Variants in EYS observed in about 807,000 individuals in gnomAD.
EYS encodes the protein protein eyes shut homolog.
Under a neutral mutation model 282.1 loss-of-function variants are expected in EYS, and 250 were observed. The observed-to-expected ratio is 0.89, with a 90% confidence interval of 0.80 to 0.98. The LOEUF (loss-of-function observed/expected upper bound fraction) is 0.98, where lower values mean the gene tolerates loss of function less well. Among genes scored for constraint, EYS ranks in the 50% least tolerant of loss-of-function variants. The pLI, the probability that EYS is intolerant of heterozygous loss-of-function variation, is 0.00. For missense variants in EYS, 4,016 were observed against 3,709.0 expected (o/e 1.08, Z -2.15); for synonymous variants, 1,355 against 1,282.9 (o/e 1.06, Z -1.20).
At chr6:64,630,081 A>ATT (rs565733399) in intron 22 of EYS, among the ~76,000 whole-genome samples, 1 of 151,492 alleles carries the variant, frequency 6.6e-6, no homozygotes, top group Non-Finnish European at 1.5e-5. Flanking sequence ...TTATTCTGAG[A>ATT]TTTTTTTTGT....
intron 36 of EYS, among the ~76,000 whole-genome samples, chr6:63,823,332 A>G (rs886946382): frequency 2.0e-5 from 3 of 152,192 alleles, no homozygotes; most frequent in Non-Finnish European, 4.4e-5. Flanking sequence ...TGTTCTTAAT[A>G]CATACGATGA....
At chr6:64,267,395 C>T (rs1243493929) in intron 30 of EYS, among the ~76,000 whole-genome samples, 1 of 152,084 alleles carries the variant, frequency 6.6e-6, no homozygotes, top group Non-Finnish European at 1.5e-5. Flanking sequence ...CCCACCCATA[C>T]TTCACCTCTC....
chr6:65,546,573 C>T (rs1470303526), intron 2 of EYS, among the ~76,000 whole-genome samples: 1 of 151,052 alleles, frequency 6.6e-6, no homozygotes, highest in East Asian at 2.0e-4. Context: ...ACAACTTGAT[C>T]TTTTTTTTGT....
chr6:65,306,859 A>AAAAAAAAAAAAAAG (rs1346343044), intron 11 of EYS, among the ~76,000 whole-genome samples: 5 of 142,398 alleles, frequency 3.5e-5, no homozygotes, highest in South Asian at 2.2e-4. Context: ...AAAAAAAAAA[A>AAAAAAAAAAAAAAG]AAAGAAAGTC....
intron 12 of EYS, among the ~76,000 whole-genome samples, chr6:65,097,113 T>C (rs1774760686): frequency 6.6e-6 from 1 of 150,994 alleles, no homozygotes; most frequent in Admixed American, 6.6e-5. Context: ...AGGGTTAATA[T>C]ACAAAATATA....
In EYS at chr6:65,481,992, C is replaced by T. The variant is rs146254830; in HGVS notation, c.862+8602G>A. 8.5e-5 allele frequency among the ~76,000 whole-genome samples: 13 copies of T among 152,250 alleles called. No individual in the cohort carries two copies. In the East Asian group the frequency reaches 1.5e-3, roughly 18 times the overall value. On this transcript the variant is annotated intron_variant, in intron 5 of 42. Coordinates refer to ENST00000503581, the MANE Select transcript of EYS (RefSeq NM_001142800.2). ...GGAAGATTCAGAGGAAGACTCAGTT[C>T]TTTATCTGGATGGAATACGGTAGCA...
At chr6:65,593,158 T>C (rs16896888) in intron 2 of EYS, among the ~76,000 whole-genome samples, 3,769 of 152,112 alleles carry the variant, frequency 0.025, 156 homozygotes, top group African/African-American at 0.086. Context: ...TATTAAGAAA[T>C]TCTTATGTAA....
intron 8 of EYS, among the ~76,000 whole-genome samples, chr6:65,360,799 T>C (rs1228467314): frequency 6.6e-6 from 1 of 152,146 alleles, no homozygotes; most frequent in Non-Finnish European, 1.5e-5. Context: ...TCCCATTTAG[T>C]GTAGTCACTG....
Position 65,556,387 on chromosome 6 carries a change from T to TTGTGTGTG in EYS, c.-332-60402_-332-60395dup, listed in dbSNP as rs10602177. ...TAATATGTGGAGGAGACTGCTGGGT[T>TTGTGTGTG]TGTGTGTGTGTGTGTGTGTGTGTAT... is the stretch of plus-strand genomic sequence containing the variant. On this transcript the variant is annotated intron_variant, in intron 2 of 42. Coordinates refer to ENST00000503581, the MANE Select transcript of EYS (RefSeq NM_001142800.2). Among the ~76,000 whole-genome samples, 675 of 148,916 alleles carry TTGTGTGTG rather than the reference T, an allele frequency of 4.5e-3. 6 individuals carry two copies. Among genetic ancestry groups the TTGTGTGTG allele is most frequent in the Middle Eastern group, 0.021 (6 of 286 alleles).
chr6:64,397,365 GATGTTAT>G (rs1773414169), intron 28 of EYS, among the ~76,000 whole-genome samples: 1 of 152,018 alleles, frequency 6.6e-6, no homozygotes, highest in African/African-American at 2.4e-5. Context: ...GTGTTACACT[GATGTTAT>G]ATCTACCTTT....
chr6:63,832,348 G>T (rs1198312416), intron 36 of EYS, among the ~76,000 whole-genome samples: 1 of 151,700 alleles, frequency 6.6e-6, no homozygotes, highest in African/African-American at 2.4e-5. Context: ...AAAGAGAGAA[G>T]AATCAAATAG....
chr6:65,302,032 C>T (rs1193032881), intron 11 of EYS, among the ~76,000 whole-genome samples: 1 of 152,224 alleles, frequency 6.6e-6, no homozygotes, highest in Admixed American at 6.5e-5. Context: ...TTATATTGTT[C>T]AGCTATGGAA....
At chr6:63,733,164 AATAG>A (rs1768822178) in intron 41 of EYS, among the ~76,000 whole-genome samples, 1 of 152,108 alleles carries the variant, frequency 6.6e-6, no homozygotes, top group African/African-American at 2.4e-5. Context: ...GGAGAGTTTT[AATAG>A]ATAAAGTCAG....
At position 64,992,676 on chromosome 6, in the gene EYS, T is replaced by C. The variant is rs369866297; in HGVS notation, c.2259+4906A>G. On this transcript the variant is annotated intron_variant, in intron 14 of 42. Transcript: ENST00000503581. The stretch of plus-strand genomic sequence containing the variant: ...CTTTCTTTAGGCATATTCAGATGGC[T>C]GTTTGTGTTTTGAGAATTCTGGAAC... Among the ~76,000 whole-genome samples the C allele has an allele frequency of 4.6e-5, 7 of 152,020 alleles. No homozygotes were observed. In the East Asian group the frequency reaches 9.6e-4, roughly 21 times the overall value.
At chr6:64,578,814 T>G (rs1765972167) in intron 26 of EYS, among the ~76,000 whole-genome samples, 1 of 152,112 alleles carries the variant, frequency 6.6e-6, no homozygotes, top group Non-Finnish European at 1.5e-5. Context: ...AGAACACATT[T>G]TATGATAATC....
chr6:65,423,998 C>G (rs533748350), intron 5 of EYS, among the ~76,000 whole-genome samples: 20 of 151,788 alleles, frequency 1.3e-4, no homozygotes, highest in Non-Finnish European at 2.5e-4. Flanking sequence ...TGCCTTTAGC[C>G]CCCTATTTCA....
chr6:64,487,391 T>C (rs1027696506), intron 26 of EYS, among the ~76,000 whole-genome samples: 4 of 151,096 alleles, frequency 2.6e-5, no homozygotes, highest in African/African-American at 9.7e-5. Context: ...TATGCACTTT[T>C]CAGAAATATA....
At chr6:65,165,612 T>G (rs1468476708) in intron 12 of EYS, among the ~76,000 whole-genome samples, 1 of 151,158 alleles carries the variant, frequency 6.6e-6, no homozygotes. Flanking sequence ...GAGATTTTAT[T>G]TCCAAGACCT....
At chr6:63,978,916 T>C (rs865795521) in intron 35 of EYS, among the ~76,000 whole-genome samples, 6 of 151,794 alleles carry the variant, frequency 4.0e-5, no homozygotes, top group African/African-American at 1.5e-4. Flanking sequence ...GAAAGATGGA[T>C]TGAAAGTAAA....
Sources: allele counts gnomAD v4.1 joint callset (sites outside exome capture counted in the v4.1 genomes callset), GRCh38; gene constraint gnomAD v4.1.1; transcripts MANE v1.5; gene names NCBI Gene and HGNC (gene_info 2026-07-23, HGNC 2026-07-21).